The following RORA variants were observed in gnomAD, a reference collection of about 807,000 sequenced individuals.
RORA encodes the protein RAR related orphan receptor A.
A neutral mutation model predicts 69.5 loss-of-function variants in RORA; 7 were observed. That is an observed-to-expected ratio of 0.10 (90% CI 0.06 to 0.19). The LOEUF (loss-of-function observed/expected upper bound fraction) is 0.19. Among genes scored for constraint, RORA ranks in the 10% least tolerant of loss-of-function variants. The pLI is 1.00. For synonymous variants in RORA, 261 were observed against 240.8 expected, an observed-to-expected ratio of 1.08 and a Z score of -0.78; for missense variants, 457 against 663.0, an observed-to-expected ratio of 0.69 and a Z score of 3.41.
intron 5 of RORA, among the ~76,000 whole-genome samples, chr15:60,507,785 A>G (rs1370935416): frequency 6.6e-6 from 1 of 152,030 alleles, no homozygotes; most frequent in Admixed American, 6.5e-5. Flanking sequence ...GCAGGGAAGT[A>G]GGGGGGGATG....
rs543559386 is a variant in RORA at position 60,973,612 on chromosome 15, A to G, written c.166+255441T>C. Among the ~76,000 whole-genome samples, 7 of 152,352 alleles carry G rather than the reference A, an allele frequency of 4.6e-5. No individual in the cohort carries two copies. In the South Asian group the frequency reaches 1.4e-3, roughly 32 times the overall value. On this transcript the variant is annotated intron_variant, in intron 1 of 10. Transcript: ENST00000335670. ...ACTTGTAACAGTGGTGACCTCTGAC[A>G]AACGGCACATCCCAGCTGTTAACAT...
At chr15:60,717,758 A>G (rs1211581507) in intron 1 of RORA, among the ~76,000 whole-genome samples, 1 of 151,206 alleles carries the variant, frequency 6.6e-6, no homozygotes, top group Non-Finnish European at 1.5e-5. Flanking sequence ...ATAATTGATT[A>G]ATAAGGTCAC....
At chr15:60,745,135 T>A (rs1292653466) in intron 1 of RORA, among the ~76,000 whole-genome samples, 4 of 152,220 alleles carry the variant, frequency 2.6e-5, no homozygotes, top group Admixed American at 2.0e-4. Flanking sequence ...AAATTAACTC[T>A]ACTCAGCCCA....
At chr15:60,838,118 G>A (rs914896846) in intron 1 of RORA, among the ~76,000 whole-genome samples, 5 of 152,010 alleles carry the variant, frequency 3.3e-5, no homozygotes, top group African/African-American at 1.2e-4. Context: ...AGATCCACTC[G>A]AGCCATCCCA....
intron 1 of RORA, among the ~76,000 whole-genome samples, chr15:61,125,081 G>A (rs992621756): frequency 4.6e-5 from 7 of 152,178 alleles, no homozygotes; most frequent in African/African-American, 1.4e-4. Context: ...TTCTGTGATT[G>A]CAATGTTGGT....
chr15:61,083,347 G>C (rs1413248236), intron 1 of RORA, among the ~76,000 whole-genome samples: 1 of 152,164 alleles, frequency 6.6e-6, no homozygotes, highest in East Asian at 1.9e-4. Flanking sequence ...AGTTCCGGTA[G>C]GGATCAGAGA....
At chr15:61,007,337 G>T (rs1035771789) in intron 1 of RORA, among the ~76,000 whole-genome samples, 1 of 152,082 alleles carries the variant, frequency 6.6e-6, no homozygotes, top group African/African-American at 2.4e-5. Flanking sequence ...CCATTTATAT[G>T]ATACGGACTA....
At chr15:60,627,815 T>C (rs2069632673) in intron 2 of RORA, among the ~76,000 whole-genome samples, 1 of 152,202 alleles carries the variant, frequency 6.6e-6, no homozygotes, top group Admixed American at 6.5e-5. Context: ...AAATTTGAGA[T>C]AATCATGCCT....
chr15:60,946,222 A>C (rs72625739), intron 1 of RORA, among the ~76,000 whole-genome samples: 35,166 of 151,048 alleles, frequency 0.23, 4,980 homozygotes, highest in East Asian at 0.61. Flanking sequence ...AATAAAACCA[A>C]AATGACTCCG....
intron 1 of RORA, among the ~76,000 whole-genome samples, chr15:60,741,958 G>T (rs2071581054): frequency 6.6e-6 from 1 of 152,106 alleles, no homozygotes; most frequent in Non-Finnish European, 1.5e-5. Flanking sequence ...GCGCCTGCGA[G>T]TTCCTTCCCT....
chr15:60,731,407 G>A (rs2071426865), intron 1 of RORA, among the ~76,000 whole-genome samples: 1 of 152,158 alleles, frequency 6.6e-6, no homozygotes, highest in South Asian at 2.1e-4. Context: ...TGAAAACACT[G>A]AGTGTTTCTG....
At chr15:61,141,058 G>A (rs1327674667) in intron 1 of RORA, among the ~76,000 whole-genome samples, 5 of 151,974 alleles carry the variant, frequency 3.3e-5, no homozygotes, top group South Asian at 2.1e-4. Flanking sequence ...GTATCACAAC[G>A]GAAAAGTGTA....
chr15:60,648,940 A>G (rs1418188120), intron 2 of RORA, among the ~76,000 whole-genome samples: 2 of 152,160 alleles, frequency 1.3e-5, no homozygotes, highest in African/African-American at 4.8e-5. Flanking sequence ...AGGAGTTTAC[A>G]TGGATTGTCA....
chr15:60,745,309 G>C (rs1261092970), intron 1 of RORA, among the ~76,000 whole-genome samples: 1 of 152,166 alleles, frequency 6.6e-6, no homozygotes, highest in Non-Finnish European at 1.5e-5. Context: ...CTTCTGTGAA[G>C]TCCTCTCCCC....
intron 1 of RORA, among the ~76,000 whole-genome samples, chr15:60,699,535 T>C (rs1054710996): frequency 2.0e-5 from 3 of 152,214 alleles, no homozygotes; most frequent in Non-Finnish European, 4.4e-5. Context: ...AACATTTACA[T>C]GTAGAATCTG....
At chr15:60,811,024 G>A (rs2140367216) in intron 1 of RORA, among the ~76,000 whole-genome samples, 1 of 152,228 alleles carries the variant, frequency 6.6e-6, no homozygotes, top group East Asian at 1.9e-4. Context: ...ATAAACATCT[G>A]GCTGCTATTG....
intron 1 of RORA, among the ~76,000 whole-genome samples, chr15:61,086,664 C>T (rs1385957582): frequency 3.9e-5 from 6 of 151,934 alleles, no homozygotes; most frequent in African/African-American, 1.5e-4. Flanking sequence ...GATAAGGGGT[C>T]CTTTCCCAAA....
intron 2 of RORA, among the ~76,000 whole-genome samples, chr15:60,572,306 G>A (rs537087278): frequency 6.6e-6 from 1 of 152,228 alleles, no homozygotes; most frequent in Admixed American, 6.5e-5. Context: ...GTGTATGTTG[G>A]GGGAAAGAAC....
At chr15:61,016,972 CAA>C (rs1412066872) in intron 1 of RORA, among the ~76,000 whole-genome samples, 1 of 152,076 alleles carries the variant, frequency 6.6e-6, no homozygotes, top group African/African-American at 2.4e-5. Context: ...ATTTTTATTC[CAA>C]AGTTACCCAC....
Sources: allele counts gnomAD v4.1 joint callset (sites outside exome capture counted in the v4.1 genomes callset), GRCh38; gene constraint gnomAD v4.1.1; transcripts MANE v1.5; gene names NCBI Gene and HGNC (gene_info 2026-07-23, HGNC 2026-07-21).